PCDHA6: variants seen among roughly 807,000 people sequenced by gnomAD.
PCDHA6 encodes the protein protocadherin alpha-6.
Under a neutral mutation model 60.3 loss-of-function variants are expected in PCDHA6, and 55 were observed. That is an observed-to-expected ratio of 0.91 (90% CI 0.73 to 1.14). The LOEUF (loss-of-function observed/expected upper bound fraction) is 1.14. Among genes scored for constraint, PCDHA6 ranks in the 50% most tolerant of loss-of-function variants. The pLI is 0.00. For missense variants in PCDHA6, 1,327 were observed against 1,256.5 expected (o/e 1.06, Z -0.85); for synonymous variants, 652 against 557.9 (o/e 1.17, Z -2.38).
chr5:140,934,004 T>G (rs556218652), intron 1 of PCDHA6, among the ~76,000 whole-genome samples: 1 of 152,204 alleles, frequency 6.6e-6, no homozygotes, highest in Non-Finnish European at 1.5e-5. Flanking sequence ...CCTCTCATTT[T>G]TCTTGACTAG....
intron 3 of PCDHA6, among the ~76,000 whole-genome samples, chr5:140,998,363 A>G (rs568271579): frequency 6.6e-6 from 1 of 152,316 alleles, no homozygotes; most frequent in Admixed American, 6.5e-5. Flanking sequence ...TAACCACTGC[A>G]CACACCGTCT....
intron 3 of PCDHA6, among the ~76,000 whole-genome samples, chr5:140,986,380 G>T (rs1554247980): frequency 6.6e-6 from 1 of 152,130 alleles, no homozygotes; most frequent in African/African-American, 2.4e-5. Flanking sequence ...TGGGGGGAGG[G>T]ACATTAAAGG....
intron 1 of PCDHA6, among the ~76,000 whole-genome samples, chr5:140,892,933 T>C (rs1323780846): frequency 6.6e-6 from 1 of 152,210 alleles, no homozygotes; most frequent in Non-Finnish European, 1.5e-5. Context: ...CAGCCTCTGA[T>C]AAGCACAATA....
intron 3 of PCDHA6, 94 bp from the exon 4 acceptor site, chr5:141,009,533 G>C: frequency 1.3e-6 from 2 of 1,509,446 alleles, no homozygotes; most frequent in Non-Finnish European, 1.8e-6. Context: ...GGGAGGTTCA[G>C]CCTGCCTATG....
At position 140,879,675 on chromosome 5, in the gene PCDHA6, G is replaced by T. The variant is rs141369145; in HGVS notation, c.2394+49190G>T. ...TATAACAAACGAACACAAACTGGGT[G>T]CTGTAAAACAGCAAAAGTTTATTAT... On this transcript the variant is annotated intron_variant, in intron 1 of 3. Transcript: ENST00000529310. 5.3e-5 allele frequency among the ~76,000 whole-genome samples: 8 copies of T among 152,360 alleles called. No homozygotes were observed. The East Asian group carries it at 1.3e-3, about 26-fold the overall frequency.
At chr5:140,863,416 C>G (rs782237036) in intron 1 of PCDHA6, 14 of 719,640 alleles carry the variant, frequency 1.9e-5, no homozygotes, top group African/African-American at 3.6e-5. Context: ...GCTGGTGTAC[C>G]GCAGCGTAGT....
chr5:140,926,767 C>T (rs1323702990), intron 1 of PCDHA6: 8 of 1,358,906 alleles, frequency 5.9e-6, no homozygotes, highest in Admixed American at 3.2e-5. Context: ...AGTATCCAGC[C>T]CGCAGCAGTG....
intron 1 of PCDHA6, among the ~76,000 whole-genome samples, chr5:140,937,417 A>T (rs1226073587): frequency 5.3e-5 from 8 of 152,154 alleles, no homozygotes; most frequent in African/African-American, 1.9e-4. Context: ...CTTTTATTAG[A>T]TAGCTGATAT....
chr5:140,852,884 T>TA lies in PCDHA6; in HGVS notation c.2394+22400dup, dbSNP rs1237249071. On this transcript the variant is annotated intron_variant, in intron 1 of 3. Transcript: ENST00000529310. ...CTATGTCATCAATAATCATAAAACG[T>TA]ATTTTTTTTTTTGAGTCAGAGTCTC... The TA allele has an allele frequency of 2.1e-6, 2 of 931,694 alleles. 1 individual carries two copies. The highest frequency in any genetic ancestry group is 3.6e-5 in the African/African-American group (2 of 55,516). The allele number at this position is 931,694 out of a possible 1,614,324, so 57.7% of individuals were successfully genotyped here.
Position 140,828,871 on chromosome 5 carries a change from A to C in PCDHA6, c.780A>C (p.Thr260=). The change falls in exon 1 of 4, where the codon ACA becomes ACC. Residue 260 remains threonine (T), a synonymous_variant. Coordinates refer to ENST00000529310, the MANE Select transcript of PCDHA6 (RefSeq NM_018909.4). Reference sequence around the variant, plus strand: ...TCGAAAATGCAGACAACGGAACAACAGTTATCAGACTGAATGCTTCTGATC... The same window carrying C: ...TCGAAAATGCAGACAACGGAACAACCGTTATCAGACTGAATGCTTCTGATC... The part of the protein sequence containing the change: ...RIFENADNGT[T]VIRLNASDRD... The C allele has an allele frequency of 6.2e-7, 1 of 1,614,250 alleles. No homozygotes were observed. Among genetic ancestry groups the C allele is most frequent in the Non-Finnish European group, 8.5e-7 (1 of 1,180,044 alleles).
intron 1 of PCDHA6, among the ~76,000 whole-genome samples, chr5:140,840,158 A>G (rs2150304038): frequency 1.3e-5 from 2 of 152,010 alleles, no homozygotes; most frequent in Admixed American, 1.3e-4. Context: ...GAAAGGAGAG[A>G]TGGGATGTAT....
chr5:140,873,181 T>C (rs2153284921), intron 1 of PCDHA6, among the ~76,000 whole-genome samples: 1 of 152,304 alleles, frequency 6.6e-6, no homozygotes, highest in African/African-American at 2.4e-5. Flanking sequence ...TGTATCATAA[T>C]ATTCATTGGC....
At chr5:140,885,970 A>G (rs1554182306) in intron 1 of PCDHA6, among the ~76,000 whole-genome samples, 1 of 152,122 alleles carries the variant, frequency 6.6e-6, no homozygotes, top group Non-Finnish European at 1.5e-5. Flanking sequence ...TTTTGAGATA[A>G]TTATAGATTC....
chr5:140,992,154 C>T (rs2097495252), intron 3 of PCDHA6, among the ~76,000 whole-genome samples: 1 of 151,952 alleles, frequency 6.6e-6, no homozygotes. Flanking sequence ...TTTGCTCAAT[C>T]AAGAAGTGTG....
chr5:140,869,499 G>A, intron 1 of PCDHA6: 8 of 1,614,196 alleles, frequency 5.0e-6, no homozygotes, highest in Non-Finnish European at 5.9e-6. Context: ...ACCCGCCGGT[G>A]TTCTCGCTCA....
At chr5:140,894,527 G>T (rs1184887485) in intron 1 of PCDHA6, among the ~76,000 whole-genome samples, 1 of 151,472 alleles carries the variant, frequency 6.6e-6, no homozygotes, top group African/African-American at 2.4e-5. Flanking sequence ...ATGCTGTTAT[G>T]TGCCTTCTGG....
intron 1 of PCDHA6, among the ~76,000 whole-genome samples, chr5:140,925,729 A>AAATATTTACAGAAAG (rs1334705925): frequency 8.6e-5 from 13 of 151,770 alleles, no homozygotes; most frequent in African/African-American, 2.9e-4. Context: ...GGTGTTTTCT[A>AAATATTTACAGAAAG]AATATTTACA....
In PCDHA6 at chr5:141,011,207, G is replaced by A. The variant is rs79928365; in HGVS notation, c.*1270G>A. On this transcript the variant is annotated 3_prime_UTR_variant, in exon 4 of 4. Coordinates refer to ENST00000529310, the MANE Select transcript of PCDHA6 (RefSeq NM_018909.4). Reference sequence around the variant, plus strand: ...GAAAAATATTGTTTTCTCATACAGTGAGCAGATTTTTCAATCTACTAATTC... The same window carrying A: ...GAAAAATATTGTTTTCTCATACAGTAAGCAGATTTTTCAATCTACTAATTC... 325 of 153,804 alleles carry A rather than the reference G, an allele frequency of 2.1e-3. 2 individuals are homozygous for A. The highest frequency in any genetic ancestry group is 7.1e-3 in the African/African-American group (293 of 41,546). 9.5% of individuals were successfully genotyped at this position (153,804 alleles called of 1,614,324 possible). A position where few individuals can be genotyped will look rare whatever the true frequency, so the allele number is the denominator to read the frequency against.
At chr5:140,894,632 TATC>T (rs1161134901) in intron 1 of PCDHA6, among the ~76,000 whole-genome samples, 1 of 151,990 alleles carries the variant, frequency 6.6e-6, no homozygotes, top group Non-Finnish European at 1.5e-5. Context: ...TCTCCAATCA[TATC>T]ATTACTGAGT....
Sources: gnomAD v4.1 joint callset for allele counts (sites outside exome capture counted in the v4.1 genomes callset) on GRCh38, gnomAD v4.1.1 for gene constraint, MANE v1.5 for transcripts, NCBI Gene and HGNC (gene_info 2026-07-23, HGNC 2026-07-21) for gene names.